The following PRKCH variants were observed in gnomAD, a reference collection of about 807,000 sequenced individuals.
The protein encoded by PRKCH is protein kinase C eta type.
A neutral mutation model predicts 82.5 loss-of-function variants in PRKCH; 28 were observed. The ratio of observed to expected loss-of-function variants is 0.34; its 90% CI spans 0.25 to 0.47. The LOEUF (loss-of-function observed/expected upper bound fraction) is 0.47. PRKCH is among the 20% of genes least tolerant of loss of function. The pLI is 1.00. For missense variants in PRKCH, 705 were observed against 881.8 expected, an observed-to-expected ratio of 0.80 and a Z score of 2.54; for synonymous variants, 322 against 327.4, an observed-to-expected ratio of 0.98 and a Z score of 0.18.
chr14:61,387,770 A>T (rs1306693184), intron 1 of PRKCH, among the ~76,000 whole-genome samples: 1 of 152,228 alleles, frequency 6.6e-6, no homozygotes. Context: ...ACAAAACTAC[A>T]CACAAAAGTT....
intron 10 of PRKCH, among the ~76,000 whole-genome samples, chr14:61,498,775 C>T (rs1886771863): frequency 6.6e-6 from 1 of 152,204 alleles, no homozygotes; most frequent in Admixed American, 6.5e-5. Context: ...CCCCAATTAT[C>T]TCCCAAAGGC....
chr14:61,421,788 T>G lies in PRKCH; in HGVS notation c.428-21323T>G, dbSNP rs562179967. Among the ~76,000 whole-genome samples, 77 of 152,302 alleles carry G rather than the reference T, an allele frequency of 5.1e-4. 1 individual carries two copies. Among genetic ancestry groups the G allele is most frequent in the South Asian group, 3.3e-3 (16 of 4,824 alleles). ...CCTTGGTCTAAGCAGGCATAGGTGG[T>G]GCTGTGTGGTAAGAGCTTTGGTCTT... is the stretch of plus-strand genomic sequence containing the variant. On this transcript the variant is annotated intron_variant, in intron 2 of 13. Transcript: ENST00000332981.
At chr14:61,521,587 A>AGAT (rs781282780) in intron 10 of PRKCH, among the ~76,000 whole-genome samples, 36 of 151,302 alleles carry the variant, frequency 2.4e-4, no homozygotes, top group Non-Finnish European at 4.6e-4. Flanking sequence ...TTTTTTTTTA[A>AGAT]GATAGAGTTT....
intron 10 of PRKCH, among the ~76,000 whole-genome samples, chr14:61,522,146 A>T (rs1490528116): frequency 6.6e-6 from 1 of 152,012 alleles, no homozygotes; most frequent in African/African-American, 2.4e-5. Flanking sequence ...TATCCTTTAC[A>T]TCCTTCCATT....
chr14:61,467,852 A>C (rs1885327789), intron 9 of PRKCH, among the ~76,000 whole-genome samples: 1 of 152,220 alleles, frequency 6.6e-6, no homozygotes, highest in African/African-American at 2.4e-5. Context: ...TCCATTGAAC[A>C]AAATATCTCA....
At chr14:61,476,864 CAA>C in intron 9 of PRKCH, among the ~76,000 whole-genome samples, 1 of 148,906 alleles carries the variant, frequency 6.7e-6, no homozygotes, top group Non-Finnish European at 1.5e-5. Flanking sequence ...ATGATAAGTT[CAA>C]AAAAAAAATG....
chr14:61,291,592 AG>A (rs2045363271), intron 1 of PRKCH, among the ~76,000 whole-genome samples: 1 of 152,026 alleles, frequency 6.6e-6, no homozygotes, highest in African/African-American at 2.4e-5. Context: ...GGCCTCCCAA[AG>A]TGCTGGGATT....
At chr14:61,346,550 A>G (rs996449626) in intron 1 of PRKCH, among the ~76,000 whole-genome samples, 1 of 152,224 alleles carries the variant, frequency 6.6e-6, no homozygotes, top group East Asian at 1.9e-4. Context: ...CATTGGAGCA[A>G]TTATTACGTG....
At chr14:61,307,047 A>G (rs988597406) in intron 1 of PRKCH, 1 of 152,240 alleles carries the variant, frequency 6.6e-6, no homozygotes, top group African/African-American at 2.4e-5. Context: ...ATTTCAAGAC[A>G]ATAAAATCAT....
At chr14:61,265,140 TCC>T (rs2045086470) in intron 1 of PRKCH, among the ~76,000 whole-genome samples, 1 of 152,194 alleles carries the variant, frequency 6.6e-6, no homozygotes, top group African/African-American at 2.4e-5. Flanking sequence ...AACAGGGTTA[TCC>T]TCTGTTATGA....
chr14:61,460,601 G>A (rs1226613299), intron 9 of PRKCH, among the ~76,000 whole-genome samples: 3 of 152,152 alleles, frequency 2.0e-5, no homozygotes, highest in South Asian at 2.1e-4. Context: ...ATTTCACAGA[G>A]GAGAAAAGTT....
At chr14:61,254,699 AGTT>A (rs1385944038) in intron 1 of PRKCH, among the ~76,000 whole-genome samples, 2 of 152,234 alleles carry the variant, frequency 1.3e-5, no homozygotes, top group Non-Finnish European at 2.9e-5. Context: ...TTGAGAGGAA[AGTT>A]GTTGGTAGGC....
intron 7 of PRKCH, among the ~76,000 whole-genome samples, chr14:61,454,398 C>G (rs1255762062): frequency 1.3e-5 from 2 of 152,188 alleles, no homozygotes; most frequent in African/African-American, 2.4e-5. Flanking sequence ...CTGCCACGCC[C>G]AGCCTTTCTT....
At chr14:61,209,119 A>T (rs904487728) in intron 1 of PRKCH, among the ~76,000 whole-genome samples, 2 of 152,126 alleles carry the variant, frequency 1.3e-5, no homozygotes, top group Non-Finnish European at 2.9e-5. Flanking sequence ...TTGCTCTCTC[A>T]TGCTCTCTTG....
intron 9 of PRKCH, among the ~76,000 whole-genome samples, chr14:61,482,632 CTG>C (rs1317012392): frequency 6.6e-6 from 1 of 152,144 alleles, no homozygotes; most frequent in African/African-American, 2.4e-5. Flanking sequence ...GAATTACACT[CTG>C]TGTTCCAGGT....
At chr14:61,233,516 C>T (rs1342570040) in intron 1 of PRKCH, among the ~76,000 whole-genome samples, 4 of 152,212 alleles carry the variant, frequency 2.6e-5, no homozygotes, top group Non-Finnish European at 4.4e-5. Flanking sequence ...CTGAGCCTCT[C>T]TCAAGGAATT....
At chr14:61,198,905 G>A (rs2044459767) in intron 1 of PRKCH, among the ~76,000 whole-genome samples, 1 of 152,152 alleles carries the variant, frequency 6.6e-6, no homozygotes, top group Non-Finnish European at 1.5e-5. Flanking sequence ...GCTGGGGAGG[G>A]TGTTTTATTG....
intron 2 of PRKCH, among the ~76,000 whole-genome samples, chr14:61,399,475 A>G (rs900942482): frequency 2.0e-5 from 3 of 152,188 alleles, no homozygotes; most frequent in African/African-American, 4.8e-5. Flanking sequence ...TTAAATGACT[A>G]AAGTACTGTG....
intron 9 of PRKCH, among the ~76,000 whole-genome samples, chr14:61,483,906 T>C (rs1221749777): frequency 6.6e-6 from 1 of 152,082 alleles, no homozygotes; most frequent in East Asian, 1.9e-4. Context: ...CCGGGTGTGG[T>C]GGCGCACGCC....
Sources: allele counts gnomAD v4.1 joint callset (sites outside exome capture counted in the v4.1 genomes callset), GRCh38; gene constraint gnomAD v4.1.1; transcripts MANE v1.5; gene names NCBI Gene and HGNC (gene_info 2026-07-23, HGNC 2026-07-21).